GPNMB: variants seen among roughly 807,000 people sequenced by gnomAD.
GPNMB encodes the protein glycoprotein nmb, also known as transmembrane glycoprotein NMB.
Under a neutral mutation model 57.3 loss-of-function variants are expected in GPNMB, and 71 were observed. The observed-to-expected ratio is 1.24, with a 90% confidence interval of 1.02 to 1.51. GPNMB has a LOEUF of 1.51. Ranked by LOEUF, GPNMB falls within the 40% of genes most tolerant of loss-of-function variation. The pLI is 0.00. For synonymous variants in GPNMB, 253 were observed against 263.2 expected (o/e 0.96, Z 0.38); for missense variants, 677 against 691.9 (o/e 0.98, Z 0.24).
chr7:23,268,326 G>A (rs563165181), intron 8 of GPNMB, among the ~76,000 whole-genome samples: 3 of 152,174 alleles, frequency 2.0e-5, no homozygotes, highest in Admixed American at 2.0e-4. Context: ...TTTTGCAGAT[G>A]AGGCAACTGA....
chr7:23,271,633 T>C (rs1783207560), intron 9 of GPNMB, among the ~76,000 whole-genome samples: 1 of 152,038 alleles, frequency 6.6e-6, no homozygotes, highest in Admixed American at 6.6e-5. Flanking sequence ...CCATCTCTAC[T>C]AAAAATACAA....
chr7:23,256,283 C>T (rs1583819562), intron 3 of GPNMB, among the ~76,000 whole-genome samples: 1 of 152,214 alleles, frequency 6.6e-6, no homozygotes, highest in African/African-American at 2.4e-5. Flanking sequence ...ACAATTTTAG[C>T]ACTTTGTCAT....
rs58011121 is a variant in GPNMB, at chr7:23,262,608, C to CTTTTTTTT, written c.1018+1856_1018+1863dup. Among the ~76,000 whole-genome samples, 18 of 62,852 alleles carry CTTTTTTTT rather than the reference C, an allele frequency of 2.9e-4. 2 individuals are homozygous for CTTTTTTTT. The highest frequency in any genetic ancestry group is 4.1e-4 in the Non-Finnish European group (15 of 36,282). The allele number at this position is 62,852 out of a possible 152,430, so 41.2% of individuals were successfully genotyped here. A position where few individuals can be genotyped will look rare whatever the true frequency, so the allele number is the denominator to read the frequency against. On this transcript the variant is annotated intron_variant, in intron 6 of 10. Transcript: ENST00000258733. ...GTACTGTCATTTATTTCACCATTCTCTTTTTTTTTTTTTTTTTTTTTTTTT... is the reference window on the plus strand; with the variant it reads ...GTACTGTCATTTATTTCACCATTCTCTTTTTTTTTTTTTTTTTTTTTTTTTTTTTTTTT...
At chr7:23,263,300 C>CT (rs1323380127) in intron 6 of GPNMB, among the ~76,000 whole-genome samples, 1 of 151,990 alleles carries the variant, frequency 6.6e-6, no homozygotes, top group Admixed American at 6.6e-5. Context: ...TAATTTCTCC[C>CT]TAGGTGACAC....
chr7:23,273,591 T>A lies in GPNMB; in HGVS notation c.1500T>A (p.Thr500=). ...ISVGCLAIFV[T]VISLLVYKKH... ...TTGGCTGCTTGGCCATATTTGTCACTGTGATCTCCCTCTTGGTGTACAAGT... is the reference window on the plus strand; with the variant it reads ...TTGGCTGCTTGGCCATATTTGTCACAGTGATCTCCCTCTTGGTGTACAAGT... Residue 500 remains threonine (T), a synonymous_variant, in exon 10 of 11, where the codon ACT becomes ACA. Coordinates refer to ENST00000258733, the MANE Select transcript of GPNMB (RefSeq NM_002510.3). 6.2e-7 allele frequency: 1 copy of A among 1,611,804 alleles called. No individual in the cohort carries two copies. The highest frequency in any genetic ancestry group is 1.3e-5 in the African/African-American group (1 of 75,022).
intron 6 of GPNMB, among the ~76,000 whole-genome samples, chr7:23,263,674 C>T (rs17147998): frequency 0.027 from 4,089 of 150,604 alleles, 170 homozygotes; most frequent in African/African-American, 0.088. Context: ...AGTTTTATTG[C>T]GAAGGAAAGC....
At chr7:23,259,925 T>A in intron 4 of GPNMB, 55 bp from the exon 5 acceptor site, 1 of 1,541,894 alleles carries the variant, frequency 6.5e-7, no homozygotes, top group Admixed American at 1.7e-5. Flanking sequence ...AGGAACAGCT[T>A]CCTATAATGA....
chr7:23,261,452 T>TA (rs1782920608), intron 6 of GPNMB, among the ~76,000 whole-genome samples: 1 of 152,090 alleles, frequency 6.6e-6, no homozygotes, highest in South Asian at 2.1e-4. Context: ...TATGCAGTCA[T>TA]AAAAAAGGAT....
chr7:23,271,178 G>T (rs1783194833), intron 9 of GPNMB, among the ~76,000 whole-genome samples: 1 of 152,218 alleles, frequency 6.6e-6, no homozygotes, highest in South Asian at 2.1e-4. Context: ...AATAAGGTTT[G>T]CACTCCTATG....
chr7:23,248,132 G>C (rs1379214259), intron 1 of GPNMB: 1 of 152,334 alleles, frequency 6.6e-6, no homozygotes, highest in South Asian at 2.1e-4. Context: ...CCTTCAAAAC[G>C]AGGAGTTTTC....
chr7:23,252,762 A>T (rs1401802359), intron 1 of GPNMB, among the ~76,000 whole-genome samples: 1 of 152,224 alleles, frequency 6.6e-6, no homozygotes, highest in African/African-American at 2.4e-5. Flanking sequence ...AGCTTGACAT[A>T]AATGACATTT....
chr7:23,264,633 T>G (rs978935123), intron 6 of GPNMB, among the ~76,000 whole-genome samples: 6 of 152,130 alleles, frequency 3.9e-5, no homozygotes, highest in African/African-American at 9.7e-5. Flanking sequence ...TACCTCAGCC[T>G]CCCAAAGTGC....
At chr7:23,269,854 G>A (rs1055370531) in intron 8 of GPNMB, 113 bp from the exon 9 acceptor site, 1 of 736,962 alleles carries the variant, frequency 1.4e-6, no homozygotes, top group Non-Finnish European at 2.4e-6. Context: ...TAACAATGAG[G>A]TGGAATTCAA....
chr7:23,255,677 A>G (rs1363160897), intron 3 of GPNMB, among the ~76,000 whole-genome samples: 2 of 152,000 alleles, frequency 1.3e-5, no homozygotes. Context: ...CAACAGTGAT[A>G]TACTGTTGGT....
Position 23,246,840 on chromosome 7 carries a change from C to T in GPNMB, c.-18C>T, listed in dbSNP as rs763770328. On this transcript the variant is annotated 5_prime_UTR_variant, in exon 1 of 11. Transcript: ENST00000258733. ...TTCAGAGTTAAACCTTGAGTGCCTG[C>T]GTCCGTGAGAATTCAGCATGGAATG... is the stretch of plus-strand genomic sequence containing the variant. 1.9e-6 allele frequency: 3 copies of T among 1,603,266 alleles called. No homozygotes were observed. The highest frequency in any genetic ancestry group is 2.6e-6 in the Non-Finnish European group (3 of 1,170,366).
intron 1 of GPNMB, 26 bp downstream of exon 1, chr7:23,246,953 TAA>T (rs1166938805): frequency 3.9e-6 from 6 of 1,555,728 alleles, no homozygotes; most frequent in Non-Finnish European, 5.3e-6. Context: ...TTTCTATGTT[TAA>T]CCCATTCTCT....
At chr7:23,272,363 A>G (rs372654796) in intron 9 of GPNMB, among the ~76,000 whole-genome samples, 29 of 152,148 alleles carry the variant, frequency 1.9e-4, no homozygotes, top group African/African-American at 6.7e-4. Context: ...GGCACAGTGG[A>G]ACATACCTGT....
At position 23,272,846 on chromosome 7, in the gene GPNMB, C is replaced by CTTTTTTTTTTTTTT. The variant is rs34346503; in HGVS notation, c.1430-673_1430-660dup. The stretch of plus-strand genomic sequence containing the variant: ...CATGGAAAACTTTAAAGGTGGTGAT[C>CTTTTTTTTTTTTTT]TTTTTTTTTTTTTTTGAGGCAAGGT... On this transcript the variant is annotated intron_variant, in intron 9 of 10. Coordinates refer to ENST00000258733, the MANE Select transcript of GPNMB (RefSeq NM_002510.3). 3.9e-4 allele frequency among the ~76,000 whole-genome samples: 54 copies of CTTTTTTTTTTTTTT among 139,630 alleles called. 2 individuals are homozygous for CTTTTTTTTTTTTTT. Among genetic ancestry groups the CTTTTTTTTTTTTTT allele is most frequent in the African/African-American group, 1.4e-3 (50 of 36,538 alleles). The allele number at this position is 139,630 out of a possible 152,430, so 91.6% of individuals were successfully genotyped here. A position where few individuals can be genotyped will look rare whatever the true frequency, so the allele number is the denominator to read the frequency against.
In GPNMB at chr7:23,274,386, A is replaced by G. The variant is rs895472804; in HGVS notation, c.*162A>G. On this transcript the variant is annotated 3_prime_UTR_variant, in exon 11 of 11. Coordinates refer to ENST00000258733, the MANE Select transcript of GPNMB (RefSeq NM_002510.3). Reference sequence around the variant, plus strand: ...TAAATGTCATTTTAGAGATGGGGAGAGGGATTATACTGCAGGCAGCTTCAG... The same window carrying G: ...TAAATGTCATTTTAGAGATGGGGAGGGGGATTATACTGCAGGCAGCTTCAG... The G allele has an allele frequency of 5.1e-6, 3 of 589,740 alleles. No individual in the cohort carries two copies. Among genetic ancestry groups the G allele is most frequent in the Non-Finnish European group, 8.9e-6 (3 of 338,354 alleles). The allele number at this position is 589,740 out of a possible 1,614,324, so 36.5% of individuals were successfully genotyped here. A position where few individuals can be genotyped will look rare whatever the true frequency, so the allele number is the denominator to read the frequency against.
Sources: allele counts gnomAD v4.1 joint callset (sites outside exome capture counted in the v4.1 genomes callset), GRCh38; gene constraint gnomAD v4.1.1; transcripts MANE v1.5; gene names NCBI Gene and HGNC (gene_info 2026-07-23, HGNC 2026-07-21).